PER2: variants seen among roughly 807,000 people sequenced by gnomAD.
The protein encoded by PER2 is period circadian regulator 2, also known as period circadian protein homolog 2.
In PER2, 66 loss-of-function variants were observed where a neutral mutation model predicts 121.0. The observed-to-expected ratio is 0.55, with a 90% confidence interval of 0.45 to 0.67. The LOEUF is 0.67. Among genes scored for constraint, PER2 ranks in the 30% least tolerant of loss-of-function variants. The pLI, the probability that PER2 is intolerant of heterozygous loss-of-function variation, is 0.00. For synonymous variants in PER2, 684 were observed against 659.9 expected (o/e 1.04, Z -0.56); for missense variants, 1,521 against 1,635.0 (o/e 0.93, Z 1.20).
intron 8 of PER2, among the ~76,000 whole-genome samples, chr2:238,266,478 T>C (rs762622977): frequency 6.6e-6 from 1 of 152,140 alleles, no homozygotes; most frequent in Non-Finnish European, 1.5e-5. Flanking sequence ...GTTTAGAAAC[T>C]AGACAAAGGT....
In PER2 at chr2:238,249,046, A is replaced by C; in HGVS notation, c.3618+16T>G. The stretch of plus-strand genomic sequence containing the variant: ...CCTTTTAGGGCCATATCAGAAATCG[A>C]GTCCCGTGAGCTTACTGCCACGTCG... On this transcript the variant is annotated intron_variant, in intron 22 of 22. Transcript: ENST00000254657. 1.2e-6 allele frequency: 2 copies of C among 1,613,606 alleles called. No homozygotes were observed.
upstream of PER2, chr2:238,289,626 A>G (rs566215573): frequency 2.0e-5 from 3 of 152,416 alleles, no homozygotes; most frequent in African/African-American, 7.2e-5. Flanking sequence ...TGGGCTATAA[A>G]TTAACCAGAG....
rs148693274 is a variant in PER2 at position 238,255,710 on chromosome 2, G to A, written c.2267C>T (p.Ser756Phe). 6.2e-7 allele frequency: 1 copy of A among 1,614,124 alleles called. No homozygotes were observed. Among genetic ancestry groups the A allele is most frequent in the Non-Finnish European group, 8.5e-7 (1 of 1,179,924 alleles). The change falls in exon 18 of 23, where the codon TCC (serine) becomes TTC (phenylalanine). Residue 756 changes from serine to phenylalanine, a missense_variant. Ser to Phe is a radical substitution (Grantham distance 155). Coordinates refer to ENST00000254657, the MANE Select transcript of PER2 (RefSeq NM_022817.3). ...KEIRKLSIFQ[S>F]HCHYYLQERS... is the part of the protein sequence containing the mutation. ...TTCTTGCAAGTAGTAATGGCAGTGG[G>A]ACTGGAAAATGCTGAGTTTTCTTAT...
intron 14 of PER2, among the ~76,000 whole-genome samples, chr2:238,259,072 G>GA (rs1695847959): frequency 6.6e-6 from 1 of 152,320 alleles, no homozygotes; most frequent in East Asian, 1.9e-4. Context: ...CTGTGCTGCA[G>GA]ATTCGACTCT....
At chr2:238,254,577 G>C (rs995096024) in intron 18 of PER2, among the ~76,000 whole-genome samples, 1 of 152,234 alleles carries the variant, frequency 6.6e-6, no homozygotes, top group Admixed American at 6.5e-5. Context: ...GGTGGGAACA[G>C]TGGCTAAAGC....
chr2:238,266,286 TTC>T (rs1263278052), intron 8 of PER2, among the ~76,000 whole-genome samples: 1 of 151,594 alleles, frequency 6.6e-6, no homozygotes, highest in African/African-American at 2.4e-5. Flanking sequence ...GGATTCAAAT[TTC>T]TTTTTTTTTT....
rs1395002885 is a variant in PER2 at position 238,257,002 on chromosome 2, C to G, written c.1985G>C (p.Ser662Thr). Residue 662 changes from serine (S) to threonine (T), a missense_variant, in exon 17 of 23, where the codon AGT (serine) becomes ACT (threonine). By Grantham distance (58) the Ser-to-Thr change is moderately conservative. Coordinates refer to ENST00000254657, the MANE Select transcript of PER2 (RefSeq NM_022817.3). ...TSLALPGKAE[S>T]VASLTSQCSY... The stretch of plus-strand genomic sequence containing the variant: ...GCACTGGCTGGTGAGCGACGCCACA[C>G]TCTCTGCCTTGCCCGGCAGTGCCAG... The G allele has an allele frequency of 6.2e-7, 1 of 1,613,678 alleles. No homozygotes were observed. Among genetic ancestry groups the G allele is most frequent in the Non-Finnish European group, 8.5e-7 (1 of 1,179,966 alleles).
At chr2:238,251,453 T>C (rs1433239564) in intron 20 of PER2, 146 bp downstream of exon 20, 3 of 736,086 alleles carry the variant, frequency 4.1e-6, no homozygotes, top group Non-Finnish European at 7.3e-6. Context: ...AGAGTGTGTC[T>C]GTGTGGGTGT....
chr2:238,272,773 G>C (rs1696328746), intron 5 of PER2, among the ~76,000 whole-genome samples: 1 of 152,188 alleles, frequency 6.6e-6, no homozygotes, highest in African/African-American at 2.4e-5. Context: ...TCACCTCGAG[G>C]ACATGAAAAC....
At chr2:238,251,568 A>G (rs755387396) in intron 20 of PER2, 31 bp downstream of exon 20, 3 of 1,608,380 alleles carry the variant, frequency 1.9e-6, no homozygotes, top group Admixed American at 1.7e-5. Context: ...GAACCTCCCA[A>G]GTGCCTAACA....
intron 6 of PER2, among the ~76,000 whole-genome samples, chr2:238,269,528 C>T (rs1156982534): frequency 1.5e-5 from 2 of 136,594 alleles, no homozygotes; most frequent in Admixed American, 7.0e-5. Context: ...AACACACTCA[C>T]GGTGCACTGC....
intron 3 of PER2, among the ~76,000 whole-genome samples, chr2:238,276,547 G>GCAAAGTGACTTCCTGGGACATA: frequency 6.6e-6 from 1 of 152,356 alleles, no homozygotes; most frequent in Non-Finnish European, 1.5e-5. Context: ...ACAGAGGACA[G>GCAAAGTGACTTCCTGGGACATA]CAAAGTGACT....
At position 238,261,833 on chromosome 2, in the gene PER2, G is replaced by A; in HGVS notation, c.1312C>T (p.Pro438Ser). 6.4e-7 allele frequency: 1 copy of A among 1,558,320 alleles called. No homozygotes were observed. Among genetic ancestry groups the A allele is most frequent in the Non-Finnish European group, 8.7e-7 (1 of 1,149,866 alleles). ...IIGRHKVRVG[P>S]LNEDVFAAHP... ...GCTGCAAACACGTCCTCATTCAAAG[G>A]GCCCCTGCGTGGTTTTAATTCATCT... Residue 438 changes from proline (P) to serine (S), a missense_variant, in exon 12 of 23, where the codon CCT becomes TCT. Coordinates refer to ENST00000254657, the MANE Select transcript of PER2 (RefSeq NM_022817.3).
Position 238,253,235 on chromosome 2 carries a change from G to T in PER2, c.2788C>A (p.Gln930Lys). The T allele has an allele frequency of 6.2e-7, 1 of 1,601,958 alleles. No homozygotes were observed. Among genetic ancestry groups the T allele is most frequent in the Non-Finnish European group, 8.5e-7 (1 of 1,172,218 alleles). The change falls in exon 19 of 23, where the codon CAG (glutamine) becomes AAG (lysine). Residue 930 changes from glutamine to lysine, a missense_variant. Physicochemically the swap from Gln to Lys is moderately conservative, Grantham distance 53. Coordinates refer to ENST00000254657, the MANE Select transcript of PER2 (RefSeq NM_022817.3). The surrounding 1 kb of genome is among the most constrained non-coding windows in gnomAD (Gnocchi z 5.6). ...GTGAGTGTGGGGTGGCTCGGAAACTGAGGCTGGCTGGGGAAGAAGGCCTGG... is the reference window on the plus strand; with the variant it reads ...GTGAGTGTGGGGTGGCTCGGAAACTTAGGCTGGCTGGGGAAGAAGGCCTGG... ...LPQAFFPSQP[Q>K]FPSHPTLTSE... is the part of the protein sequence containing the mutation.
At chr2:238,288,862 A>C (rs904946734), upstream of PER2, among the ~76,000 whole-genome samples, 2 of 151,930 alleles carry the variant, frequency 1.3e-5, no homozygotes, top group Non-Finnish European at 1.5e-5. Flanking sequence ...ACTCCGTCTC[A>C]TCTGCATACA....
chr2:238,271,572 G>A (rs1248223230), intron 5 of PER2, 59 bp from the exon 6 acceptor site: 36 of 1,342,580 alleles, frequency 2.7e-5, no homozygotes, highest in Non-Finnish European at 3.5e-5. Context: ...CGCCACATCC[G>A]ACTCAGGCAG....
chr2:238,244,851 G>C lies in PER2; in HGVS notation c.*1524C>G, dbSNP rs956872853. On this transcript the variant is annotated 3_prime_UTR_variant, in exon 23 of 23. Transcript: ENST00000254657. The stretch of plus-strand genomic sequence containing the variant: ...GCTTGAGGTCAGGAGTTCGAGACCA[G>C]CCTGGCCAACATGGTGAAACCCTGT... 2.6e-5 allele frequency: 4 copies of C among 151,878 alleles called. No individual in the cohort carries two copies. Among genetic ancestry groups the C allele is most frequent in the South Asian group, 2.1e-4 (1 of 4,796 alleles). The allele number at this position is 151,878 out of a possible 1,614,324, so 9.4% of individuals were successfully genotyped here. A position where few individuals can be genotyped will look rare whatever the true frequency, so the allele number is the denominator to read the frequency against.
In PER2 at chr2:238,273,182, T is replaced by C; in HGVS notation, c.458A>G (p.Glu153Gly). Residue 153 changes from glutamate to glycine, a missense_variant, in exon 5 of 23, where the codon GAG becomes GGG. Physicochemically the swap from Glu to Gly is moderately conservative, Grantham distance 98. Transcript: ENST00000254657. The part of the protein sequence containing the change: ...RSVKQVKANE[E>G]YYQLLMSSEG... ...GCTGGACATCAGCAGCTGGTAATAC[T>C]CTTCATTGGCTGCAGGAGAGACAGT... 6.2e-7 allele frequency: 1 copy of C among 1,613,634 alleles called. No homozygotes were observed. The highest frequency in any genetic ancestry group is 8.5e-7 in the Non-Finnish European group (1 of 1,179,922).
chr2:238,274,746 T>C lies in PER2; in HGVS notation c.448+997A>G, dbSNP rs758047593. ...TCATCCCAGGGGCACCGGATTTCCA[T>C]GCGGTATCTTTAGACCTGACCAGCA... On this transcript the variant is annotated intron_variant, in intron 4 of 22. Transcript: ENST00000254657. 2.0e-5 allele frequency among the ~76,000 whole-genome samples: 3 copies of C among 152,182 alleles called. No individual in the cohort carries two copies. In the East Asian group the frequency reaches 5.8e-4, roughly 29 times the overall value.
Sources: gnomAD v4.1 joint callset for allele counts (sites outside exome capture counted in the v4.1 genomes callset) on GRCh38, gnomAD v4.1.1 for gene constraint, Gnocchi (gnomAD v3.1) non-coding constraint, MANE v1.5 for transcripts, NCBI Gene and HGNC (gene_info 2026-07-23, HGNC 2026-07-21) for gene names.